SLC9B1: variants seen among roughly 807,000 people sequenced by gnomAD.
SLC9B1 encodes solute carrier family 9 member B1.
A neutral mutation model predicts 51.7 loss-of-function variants in SLC9B1; 32 were observed. The ratio of observed to expected loss-of-function variants is 0.62; its 90% confidence interval spans 0.47 to 0.83. The LOEUF (loss-of-function observed/expected upper bound fraction) is 0.83, where lower values mean the gene tolerates loss of function less well. SLC9B1 is among the 40% of genes least tolerant of loss of function. The pLI is 0.00. For synonymous variants in SLC9B1, 145 were observed against 212.7 expected, an observed-to-expected ratio of 0.68 and a Z score of 2.77; for missense variants, 406 against 613.2, an observed-to-expected ratio of 0.66 and a Z score of 3.57.
At chr4:102,919,142 T>C (rs900378590) in intron 7 of SLC9B1, among the ~76,000 whole-genome samples, 2 of 152,178 alleles carry the variant, frequency 1.3e-5, no homozygotes, top group African/African-American at 2.4e-5. Context: ...AACTCTGACA[T>C]ACCCTGGAGA....
chr4:103,013,022 T>A (rs890746549), intron 1 of SLC9B1, among the ~76,000 whole-genome samples: 1 of 152,332 alleles, frequency 6.6e-6, no homozygotes, highest in South Asian at 2.1e-4. Context: ...AGTCAAACCA[T>A]AGCATAAACC....
downstream of SLC9B1, among the ~76,000 whole-genome samples, chr4:102,899,960 T>C (rs1298221165): frequency 6.6e-6 from 1 of 152,242 alleles, no homozygotes; most frequent in African/African-American, 2.4e-5. Context: ...TTTTAGAACT[T>C]CTGGCAGTTT....
intron 3 of SLC9B1, among the ~76,000 whole-genome samples, chr4:102,982,116 C>G (rs1739394942): frequency 6.6e-6 from 1 of 150,982 alleles, no homozygotes. Flanking sequence ...TTTTTGCATC[C>G]ATGTGGAGGT....
chr4:102,937,210 C>T (rs557918786), intron 6 of SLC9B1, among the ~76,000 whole-genome samples: 2 of 151,948 alleles, frequency 1.3e-5, no homozygotes, highest in East Asian at 3.9e-4. Context: ...TCAAGCGATT[C>T]TTCTGCCTCA....
chr4:102,888,917 T>C (rs898580126), intron 11 of SLC9B1: 4 of 152,260 alleles, frequency 2.6e-5, no homozygotes, highest in African/African-American at 9.6e-5. Context: ...TTTAGTCTAT[T>C]TAAGATACAG....
Position 103,008,869 on chromosome 4 carries a change from G to A in SLC9B1, c.-2+10730C>T, listed in dbSNP as rs1388300508. On this transcript the variant is annotated intron_variant, in intron 1 of 11. Transcript: ENST00000296422. ...GGCGGGAGTGCAGTGGCGCAATCTC[G>A]ACTCACGGCAACCTCCGCCTCCCGG... 2.2e-5 allele frequency among the ~76,000 whole-genome samples: 3 copies of A among 138,874 alleles called. No homozygotes were observed. The East Asian group carries it at 6.5e-4, about 30-fold the overall frequency. The allele number at this position is 138,874 out of a possible 152,430, so 91.1% of individuals were successfully genotyped here.
At chr4:102,890,295 G>A (rs1734173527) in intron 11 of SLC9B1, 1 of 152,182 alleles carries the variant, frequency 6.6e-6, no homozygotes, top group South Asian at 2.1e-4. Context: ...GATCTATATA[G>A]TACTACCTTC....
chr4:102,949,179 A>G, intron 4 of SLC9B1, 78 bp downstream of exon 4: 2 of 1,169,848 alleles, frequency 1.7e-6, no homozygotes, highest in Non-Finnish European at 2.4e-6. Context: ...TTTCTGAATT[A>G]TAACTAATTC....
chr4:102,988,739 T>C (rs1739792859), intron 3 of SLC9B1, among the ~76,000 whole-genome samples: 1 of 152,026 alleles, frequency 6.6e-6, no homozygotes, highest in Non-Finnish European at 1.5e-5. Context: ...TTCCTATAAA[T>C]GTCTCCAAAA....
At chr4:103,006,468 C>T (rs1740793619) in intron 1 of SLC9B1, among the ~76,000 whole-genome samples, 1 of 152,122 alleles carries the variant, frequency 6.6e-6, no homozygotes, top group African/African-American at 2.4e-5. Context: ...CCTGAACAGA[C>T]AAATAATGAA....
intron 11 of SLC9B1, chr4:102,888,654 C>T (rs1734066839): frequency 6.6e-6 from 1 of 152,212 alleles, no homozygotes; most frequent in Admixed American, 6.5e-5. Flanking sequence ...TATCCTTAGC[C>T]AGGTGCCATG....
intron 3 of SLC9B1, among the ~76,000 whole-genome samples, chr4:102,974,098 G>A (rs1354226742): frequency 6.6e-6 from 1 of 151,840 alleles, no homozygotes; most frequent in Non-Finnish European, 1.5e-5. Flanking sequence ...TTAGCTGGGT[G>A]TGGTGGCAGG....
chr4:103,014,191 A>G (rs1403957319), intron 1 of SLC9B1, among the ~76,000 whole-genome samples: 2 of 152,196 alleles, frequency 1.3e-5, no homozygotes, highest in Non-Finnish European at 2.9e-5. Context: ...TTTGTTCTTC[A>G]AACTTGCCAT....
intron 7 of SLC9B1, among the ~76,000 whole-genome samples, chr4:102,927,281 A>G (rs74200941): frequency 0.55 from 83,134 of 151,994 alleles, 23,311 homozygotes; most frequent in African/African-American, 0.68. Flanking sequence ...GCTTCTGCAT[A>G]GCAAAAGAAA....
chr4:102,885,457 A>G (rs772249990), intron 11 of SLC9B1: 2 of 1,582,606 alleles, frequency 1.3e-6, no homozygotes, highest in South Asian at 2.2e-5. Context: ...CGTGTACACT[A>G]AAATTTTGCA....
downstream of SLC9B1, chr4:102,897,941 C>G: frequency 2.7e-6 from 1 of 370,192 alleles, no homozygotes; most frequent in South Asian, 2.1e-5. Context: ...CGTGCAGCAG[C>G]CTGCTGTTCA....
At chr4:102,898,178 C>T, downstream of SLC9B1, 1 of 519,480 alleles carries the variant, frequency 1.9e-6, no homozygotes, top group Non-Finnish European at 3.9e-6. Flanking sequence ...TACCACAAGA[C>T]CACCAAGCTA....
At chr4:102,917,734 A>C (rs1735654379) in intron 7 of SLC9B1, among the ~76,000 whole-genome samples, 3 of 152,168 alleles carry the variant, frequency 2.0e-5, no homozygotes, top group Non-Finnish European at 4.4e-5. Flanking sequence ...TGGAAAAAGA[A>C]GAACTCAATC....
intron 3 of SLC9B1, among the ~76,000 whole-genome samples, chr4:102,983,970 A>G (rs996143360): frequency 6.6e-6 from 1 of 152,008 alleles, no homozygotes; most frequent in Non-Finnish European, 1.5e-5. Flanking sequence ...GTGGAAGCTT[A>G]ATTTATTCAT....
Sources: gnomAD v4.1 joint callset for allele counts (sites outside exome capture counted in the v4.1 genomes callset) on GRCh38, gnomAD v4.1.1 for gene constraint, MANE v1.5 for transcripts, NCBI Gene and HGNC (gene_info 2026-07-23, HGNC 2026-07-21) for gene names.